The following CCDC148 variants were observed in gnomAD, a reference collection of about 807,000 sequenced individuals.
CCDC148 encodes the protein coiled-coil domain-containing protein 148.
A neutral mutation model predicts 85.7 loss-of-function variants in CCDC148; 89 were observed. The ratio of observed to expected loss-of-function variants is 1.04; its 90% CI spans 0.87 to 1.24. The LOEUF is 1.24. Among genes scored for constraint, CCDC148 ranks in the 50% most tolerant of loss-of-function variants. The pLI is 0.00. For missense variants in CCDC148, 692 were observed against 671.7 expected (o/e 1.03, Z -0.33); for synonymous variants, 230 against 213.9 (o/e 1.08, Z -0.66).
intron 1 of CCDC148, chr2:158,366,121 T>A: frequency 7.7e-7 from 1 of 1,301,020 alleles, no homozygotes; most frequent in Non-Finnish European, 1.1e-6. Context: ...TATTATTTTA[T>A]AAATGTTTTT....
chr2:158,218,852 C>T (rs1687024223), intron 11 of CCDC148, among the ~76,000 whole-genome samples: 2 of 152,188 alleles, frequency 1.3e-5, no homozygotes, highest in Non-Finnish European at 2.9e-5. Flanking sequence ...GCTATATTCT[C>T]AGTTCTCTCA....
At chr2:158,180,237 T>C (rs1304433536) in intron 11 of CCDC148, among the ~76,000 whole-genome samples, 24 of 152,192 alleles carry the variant, frequency 1.6e-4, no homozygotes. Flanking sequence ...GATTCTGGTA[T>C]TTACTGCGTG....
chr2:158,385,137 C>T (rs1337589652), intron 1 of CCDC148, among the ~76,000 whole-genome samples: 1 of 152,120 alleles, frequency 6.6e-6, no homozygotes, highest in Non-Finnish European at 1.5e-5. Flanking sequence ...CATGCCAATT[C>T]CTTCTCATGG....
chr2:158,280,699 T>G (rs1051506047), intron 9 of CCDC148, among the ~76,000 whole-genome samples: 1 of 152,134 alleles, frequency 6.6e-6, no homozygotes, highest in South Asian at 2.1e-4. Context: ...CACCCCACTG[T>G]CAACATTAGA....
intron 7 of CCDC148, among the ~76,000 whole-genome samples, chr2:158,329,672 C>T (rs1288114596): frequency 1.3e-5 from 2 of 151,940 alleles, no homozygotes; most frequent in Non-Finnish European, 2.9e-5. Flanking sequence ...TGTTTGTATC[C>T]TCTTTTATTT....
intron 1 of CCDC148, among the ~76,000 whole-genome samples, chr2:158,370,033 A>G (rs1367718344): frequency 2.6e-5 from 4 of 152,120 alleles, no homozygotes; most frequent in Non-Finnish European, 5.9e-5. Flanking sequence ...CATGGTGGAT[A>G]AGCTTTTTGA....
rs562079328 is a variant in CCDC148 at position 158,417,445 on chromosome 2, C to T, written c.25+38970G>A. On this transcript the variant is annotated intron_variant, in intron 1 of 13. Coordinates refer to ENST00000283233, the MANE Select transcript of CCDC148 (RefSeq NM_138803.4). ...GCACTTGCCCTAGGGCTTCTTGGAG[C>T]CAACAAATAAGCATGGAAGAGGTAA... 1.2e-3 allele frequency among the ~76,000 whole-genome samples: 178 copies of T among 152,308 alleles called. 2 individuals are homozygous for T. Among genetic ancestry groups the T allele is most frequent in the African/African-American group, 4.1e-3 (172 of 41,572 alleles).
chr2:158,360,737 G>A (rs1193563324), intron 1 of CCDC148, among the ~76,000 whole-genome samples: 3 of 152,010 alleles, frequency 2.0e-5, no homozygotes, highest in South Asian at 2.1e-4. Flanking sequence ...GCAAAAAGGC[G>A]GAAAATTCCA....
intron 7 of CCDC148, among the ~76,000 whole-genome samples, chr2:158,331,046 G>C (rs1693081658): frequency 6.6e-6 from 1 of 152,070 alleles, no homozygotes; most frequent in Non-Finnish European, 1.5e-5. Flanking sequence ...CTCGCCTTCT[G>C]CTAGCTTTTG....
intron 1 of CCDC148, among the ~76,000 whole-genome samples, chr2:158,438,561 A>C (rs566622938): frequency 1.3e-5 from 2 of 152,222 alleles, no homozygotes; most frequent in Non-Finnish European, 2.9e-5. Context: ...GGACATAGGC[A>C]TGGGCAAGGA....
At chr2:158,415,467 C>T (rs899486076) in intron 1 of CCDC148, among the ~76,000 whole-genome samples, 8 of 113,390 alleles carry the variant, frequency 7.1e-5, no homozygotes, top group South Asian at 2.9e-4. Flanking sequence ...AACATTCTCC[C>T]CTGGCCCCTC....
intron 9 of CCDC148, among the ~76,000 whole-genome samples, chr2:158,251,969 T>C (rs1688810685): frequency 6.6e-6 from 1 of 151,746 alleles, no homozygotes; most frequent in East Asian, 1.9e-4. Context: ...TTTATTATCC[T>C]TGTAAGCAGG....
Position 158,306,308 on chromosome 2 carries a change from G to A in CCDC148, c.1110+3125C>T, listed in dbSNP as rs1167433229. ...GAGGCTGAGGCAGGTGGATCATGAGGTCAGGAGATCAAGACCATCCTGATT... is the reference window on the plus strand; with the variant it reads ...GAGGCTGAGGCAGGTGGATCATGAGATCAGGAGATCAAGACCATCCTGATT... On this transcript the variant is annotated intron_variant, in intron 9 of 13. Transcript: ENST00000283233. Among the ~76,000 whole-genome samples the A allele has an allele frequency of 4.6e-5, 7 of 152,040 alleles. No individual in the cohort carries two copies. In the East Asian group the frequency reaches 1.4e-3, roughly 29 times the overall value.
At chr2:158,305,616 T>C (rs1173890639) in intron 9 of CCDC148, among the ~76,000 whole-genome samples, 1 of 151,918 alleles carries the variant, frequency 6.6e-6, no homozygotes, top group Non-Finnish European at 1.5e-5. Flanking sequence ...TAGCCAGGCA[T>C]AGTGGTGCAT....
At chr2:158,315,009 T>A (rs561996885) in intron 7 of CCDC148, among the ~76,000 whole-genome samples, 2 of 152,242 alleles carry the variant, frequency 1.3e-5, no homozygotes, top group African/African-American at 4.8e-5. Context: ...AAAGAAAAAT[T>A]CTTTTTCAAA....
intron 10 of CCDC148, among the ~76,000 whole-genome samples, chr2:158,222,651 G>T (rs1437429999): frequency 6.6e-6 from 1 of 152,110 alleles, no homozygotes; most frequent in Non-Finnish European, 1.5e-5. Context: ...CCATTTTGCT[G>T]GGGAATAGCT....
At chr2:158,201,505 G>C (rs1406889167) in intron 11 of CCDC148, among the ~76,000 whole-genome samples, 1 of 152,024 alleles carries the variant, frequency 6.6e-6, no homozygotes, top group African/African-American at 2.4e-5. Context: ...CATGTCCCAG[G>C]CTCAAGTGAC....
In CCDC148 at chr2:158,328,994, G is replaced by A. The variant is rs193051904; in HGVS notation, c.764+9732C>T. On this transcript the variant is annotated intron_variant, in intron 7 of 13. Transcript: ENST00000283233. ...GTTCACTCTGATGGTAGTTTCTTTCGCTGTGCAGAAGCTCTTTATTTTAAC... is the reference window on the plus strand; with the variant it reads ...GTTCACTCTGATGGTAGTTTCTTTCACTGTGCAGAAGCTCTTTATTTTAAC... Among the ~76,000 whole-genome samples the A allele has an allele frequency of 3.8e-3, 579 of 152,166 alleles. 2 individuals carry two copies. Among genetic ancestry groups the A allele is most frequent in the African/African-American group, 0.013 (528 of 41,488 alleles).
At chr2:158,398,238 G>C (rs950999742) in intron 1 of CCDC148, among the ~76,000 whole-genome samples, 5 of 152,002 alleles carry the variant, frequency 3.3e-5, no homozygotes, top group African/African-American at 1.2e-4. Context: ...AATTAACAAG[G>C]ATATTCAGGA....
Sources: allele counts gnomAD v4.1 joint callset (sites outside exome capture counted in the v4.1 genomes callset), GRCh38; gene constraint gnomAD v4.1.1; transcripts MANE v1.5; gene names NCBI Gene and HGNC (gene_info 2026-07-23, HGNC 2026-07-21).